Variants in ZNF385D observed in about 807,000 individuals in gnomAD.
The protein encoded by ZNF385D is zinc finger protein 385D.
A neutral mutation model predicts 35.8 loss-of-function variants in ZNF385D; 15 were observed. The observed-to-expected ratio is 0.42, with a 90% CI of 0.28 to 0.64. The LOEUF is 0.64. Ranked by LOEUF, ZNF385D falls within the 30% of genes least tolerant of loss-of-function variation. The pLI is 0.23. For missense variants in ZNF385D, 474 were observed against 494.6 expected (o/e 0.96, Z 0.39); for synonymous variants, 212 against 186.8 (o/e 1.13, Z -1.10).
At chr3:21,657,880 C>G (rs2066119424) in intron 2 of ZNF385D, among the ~76,000 whole-genome samples, 1 of 151,970 alleles carries the variant, frequency 6.6e-6, no homozygotes, top group East Asian at 1.9e-4. Context: ...GAAGGCATTT[C>G]CGTAGCTGGA....
intron 3 of ZNF385D, among the ~76,000 whole-genome samples, chr3:21,822,182 A>C (rs948061464): frequency 6.6e-6 from 1 of 151,680 alleles, no homozygotes; most frequent in African/African-American, 2.4e-5. Context: ...CGCCATTCTC[A>C]TGCCTCAGCC....
In ZNF385D at chr3:21,471,822, CAGAG is replaced by C. The variant is rs373181653; in HGVS notation, c.440-34623_440-34620del. On this transcript the variant is annotated intron_variant, in intron 4 of 7. Coordinates refer to ENST00000281523, the MANE Select transcript of ZNF385D (RefSeq NM_024697.3). Reference sequence around the variant, plus strand: ...TGAATATCTTTGAGCATTAAAATCTCAGAGAGACAAAGAAAATCAATTATTATTT... The same window carrying C: ...TGAATATCTTTGAGCATTAAAATCTCAGACAAAGAAAATCAATTATTATTT... 3.9e-3 allele frequency among the ~76,000 whole-genome samples: 587 copies of C among 152,172 alleles called. 4 individuals are homozygous for C. The highest frequency in any genetic ancestry group is 0.013 in the African/African-American group (554 of 41,540).
chr3:22,257,377 C>T (rs897562360), intron 2 of ZNF385D, among the ~76,000 whole-genome samples: 1 of 151,804 alleles, frequency 6.6e-6, no homozygotes, highest in African/African-American at 2.4e-5. Flanking sequence ...AAGGCACCAA[C>T]ATTTTTCATC....
At chr3:22,199,384 T>C (rs542548510) in intron 2 of ZNF385D, among the ~76,000 whole-genome samples, 392 of 152,236 alleles carry the variant, frequency 2.6e-3, no homozygotes, top group Non-Finnish European at 4.7e-3. Flanking sequence ...ACAACACTGA[T>C]TGACAATATG....
At chr3:22,277,506 T>C (rs1045189063) in intron 2 of ZNF385D, among the ~76,000 whole-genome samples, 1 of 152,036 alleles carries the variant, frequency 6.6e-6, no homozygotes, top group African/African-American at 2.4e-5. Context: ...AAAGCCCAAA[T>C]AATCACATGC....
intron 2 of ZNF385D, among the ~76,000 whole-genome samples, chr3:22,262,016 T>C (rs926542193): frequency 3.3e-5 from 5 of 152,042 alleles, no homozygotes; most frequent in African/African-American, 1.2e-4. Flanking sequence ...ATTGATCCAT[T>C]AATATTTTTA....
chr3:22,040,482 G>A (rs951173920), intron 3 of ZNF385D, among the ~76,000 whole-genome samples: 7 of 152,126 alleles, frequency 4.6e-5, no homozygotes, highest in African/African-American at 1.4e-4. Context: ...GTCCTGATGG[G>A]TGATAGGAAA....
At chr3:22,112,841 G>A (rs185016426) in intron 3 of ZNF385D, among the ~76,000 whole-genome samples, 23 of 148,150 alleles carry the variant, frequency 1.6e-4, no homozygotes, top group Non-Finnish European at 3.2e-4. Flanking sequence ...CTTCCTATGG[G>A]GGGGAAAAAA....
At chr3:22,155,791 G>A (rs1705545618) in intron 3 of ZNF385D, among the ~76,000 whole-genome samples, 1 of 152,002 alleles carries the variant, frequency 6.6e-6, no homozygotes, top group South Asian at 2.1e-4. Context: ...ACAATGGAGA[G>A]CAGTCACTTC....
At chr3:21,867,991 C>G (rs778690194) in intron 3 of ZNF385D, among the ~76,000 whole-genome samples, 6 of 152,138 alleles carry the variant, frequency 3.9e-5, no homozygotes, top group African/African-American at 7.2e-5. Flanking sequence ...AAACAAGAAA[C>G]TGAACCTAGC....
intron 3 of ZNF385D, among the ~76,000 whole-genome samples, chr3:21,758,942 A>G (rs1385687461): frequency 2.8e-5 from 4 of 144,490 alleles, no homozygotes; most frequent in Non-Finnish European, 4.5e-5. Flanking sequence ...CACTCATAGA[A>G]AGCCAAATCA....
intron 3 of ZNF385D, among the ~76,000 whole-genome samples, chr3:21,849,971 T>G (rs554887538): frequency 5.3e-5 from 8 of 152,120 alleles, no homozygotes; most frequent in African/African-American, 1.7e-4. Context: ...CTCGAACTCC[T>G]GGACTCCAGA....
At chr3:22,090,591 T>C (rs2928351) in intron 3 of ZNF385D, among the ~76,000 whole-genome samples, 96,239 of 151,996 alleles carry the variant, frequency 0.63, 31,460 homozygotes, top group Non-Finnish European at 0.71. Context: ...TTTAGTGTAG[T>C]CACAGGACCG....
chr3:22,087,228 C>CT (rs35533592), intron 3 of ZNF385D, among the ~76,000 whole-genome samples: 26,516 of 150,952 alleles, frequency 0.18, 2,535 homozygotes, highest in African/African-American at 0.23. Context: ...GCAATAAACT[C>CT]TTTTTTTTTC....
intron 2 of ZNF385D, among the ~76,000 whole-genome samples, chr3:22,286,550 C>G (rs1702034171): frequency 6.6e-6 from 1 of 152,042 alleles, no homozygotes; most frequent in African/African-American, 2.4e-5. Flanking sequence ...TATAAAATTC[C>G]CGCTTAGCAC....
At chr3:22,290,370 G>C (rs545468350) in intron 2 of ZNF385D, among the ~76,000 whole-genome samples, 1 of 152,116 alleles carries the variant, frequency 6.6e-6, no homozygotes, top group African/African-American at 2.4e-5. Flanking sequence ...GAGGGGTGCA[G>C]ACTGATGTCA....
At chr3:21,751,939 G>A (rs575240488), upstream of ZNF385D, among the ~76,000 whole-genome samples, 14 of 151,428 alleles carry the variant, frequency 9.2e-5, no homozygotes, top group South Asian at 2.9e-3. Context: ...TAGCCTGAAA[G>A]GCAACCAACA....
At chr3:21,741,536 G>A (rs1467841801) in intron 1 of ZNF385D, among the ~76,000 whole-genome samples, 1 of 152,092 alleles carries the variant, frequency 6.6e-6, no homozygotes, top group Non-Finnish European at 1.5e-5. Flanking sequence ...CTCAAAACAA[G>A]AGCGTCATAA....
chr3:21,744,868 T>A (rs60122720), intron 1 of ZNF385D, among the ~76,000 whole-genome samples: 1 of 149,444 alleles, frequency 6.7e-6, no homozygotes, highest in African/African-American at 2.5e-5. Flanking sequence ...AAAAAAATAA[T>A]AATAAAAAAA....
Sources: allele counts gnomAD v4.1 joint callset (sites outside exome capture counted in the v4.1 genomes callset), GRCh38; gene constraint gnomAD v4.1.1; transcripts MANE v1.5; gene names NCBI Gene and HGNC (gene_info 2026-07-23, HGNC 2026-07-21).